The following DUSP14 variants were observed in gnomAD, a reference collection of about 807,000 sequenced individuals.
DUSP14 encodes the protein dual specificity protein phosphatase 14.
In DUSP14, 5 loss-of-function variants were observed where a neutral mutation model predicts 13.2. That is an observed-to-expected ratio of 0.38 (90% CI 0.20 to 0.80). The LOEUF is 0.80. Ranked by LOEUF, DUSP14 falls within the 30% of genes least tolerant of loss-of-function variation. DUSP14 has a pLI of 0.44. For missense variants in DUSP14, 185 were observed against 264.0 expected, an observed-to-expected ratio of 0.70 and a Z score of 2.07; for synonymous variants, 91 against 103.4, an observed-to-expected ratio of 0.88 and a Z score of 0.73.
Position 37,511,938 on chromosome 17 carries a change from C to CTTTTTTT in DUSP14, c.-92-231_-92-225dup, listed in dbSNP as rs58893696. ...GCCCAGCCACCCCCCCCCCACCCCA[C>CTTTTTTT]TTTTTTTTTTTTTTTTTTGGACAAT... On this transcript the variant is annotated intron_variant, in intron 2 of 2. Coordinates refer to ENST00000617516, the MANE Select transcript of DUSP14 (RefSeq NM_007026.4). 5.2e-4 allele frequency among the ~76,000 whole-genome samples: 20 copies of CTTTTTTT among 38,250 alleles called. 1 individual carries two copies. The East Asian group carries it at 6.6e-3, about 13-fold the overall frequency. 25.1% of individuals were successfully genotyped at this position (38,250 alleles called of 152,430 possible). A position where few individuals can be genotyped will look rare whatever the true frequency, so the allele number is the denominator to read the frequency against.
intron 1 of DUSP14, among the ~76,000 whole-genome samples, chr17:37,500,875 G>A (rs2054100243): frequency 6.6e-6 from 1 of 152,130 alleles, no homozygotes; most frequent in African/African-American, 2.4e-5. Flanking sequence ...TAGACGTAAA[G>A]CACAATCACA....
chr17:37,509,973 A>AT (rs2054172266), intron 1 of DUSP14: 1 of 152,204 alleles, frequency 6.6e-6, no homozygotes, highest in African/African-American at 2.4e-5. Flanking sequence ...AGAAGAACAC[A>AT]TTTTTTATGA....
At chr17:37,491,419 A>C (rs758463464) in intron 1 of DUSP14, 4 of 152,238 alleles carry the variant, frequency 2.6e-5, no homozygotes, top group Non-Finnish European at 5.9e-5. Context: ...GGAGCCCTGC[A>C]CAGGAGGCTT....
chr17:37,507,728 C>T (rs775849473), intron 1 of DUSP14, among the ~76,000 whole-genome samples: 18 of 152,098 alleles, frequency 1.2e-4, no homozygotes, highest in African/African-American at 2.9e-4. Flanking sequence ...CGTAAGCCAC[C>T]GTGTCTATGG....
intron 1 of DUSP14, among the ~76,000 whole-genome samples, chr17:37,503,988 G>GT (rs1222216765): frequency 6.6e-6 from 1 of 152,158 alleles, no homozygotes; most frequent in Non-Finnish European, 1.5e-5. Flanking sequence ...GAGGTCAGGA[G>GT]TTTGAGACCA....
At chr17:37,498,312 A>ATTTTTTTTTT (rs2054079234) in intron 1 of DUSP14, among the ~76,000 whole-genome samples, 1 of 103,246 alleles carries the variant, frequency 9.7e-6, no homozygotes, top group African/African-American at 3.7e-5. Context: ...ACTAGATTGT[A>ATTTTTTTTTT]TCTTTTTTTT....
intron 2 of DUSP14, among the ~76,000 whole-genome samples, chr17:37,511,938 C>CTTTTTTTTTTTTTTTTT (rs58893696): frequency 1.0e-4 from 4 of 38,252 alleles, no homozygotes; most frequent in African/African-American, 3.1e-4. Flanking sequence ...CCCCACCCCA[C>CTTTTTTTTTTTTTTTTT]TTTTTTTTTT....
intron 1 of DUSP14, among the ~76,000 whole-genome samples, chr17:37,490,528 AGTT>A (rs555983818): frequency 1.3e-3 from 201 of 151,978 alleles, no homozygotes; most frequent in African/African-American, 4.6e-3. Context: ...AGCGAAGTTG[AGTT>A]GTTGTTTGTA....
chr17:37,495,511 TG>T, intron 1 of DUSP14, among the ~76,000 whole-genome samples: 1 of 152,274 alleles, frequency 6.6e-6, no homozygotes, highest in South Asian at 2.1e-4. Context: ...TTTGAGTGTG[TG>T]GGTACATATG....
chr17:37,494,058 A>C (rs2054047351), intron 1 of DUSP14, among the ~76,000 whole-genome samples: 1 of 149,180 alleles, frequency 6.7e-6, no homozygotes, highest in Non-Finnish European at 1.5e-5. Context: ...CAGTGGCGCG[A>C]TCTCGGCTCA....
chr17:37,507,302 C>A (rs2054144338), intron 1 of DUSP14, among the ~76,000 whole-genome samples: 1 of 152,198 alleles, frequency 6.6e-6, no homozygotes, highest in South Asian at 2.1e-4. Context: ...AGCAATGTGT[C>A]TGTCTCACTT....
chr17:37,503,286 A>G (rs1451911026), intron 1 of DUSP14, among the ~76,000 whole-genome samples: 1 of 152,154 alleles, frequency 6.6e-6, no homozygotes, highest in African/African-American at 2.4e-5. Flanking sequence ...TTAGCTAGCC[A>G]TGGTGGCGCA....
At chr17:37,511,939 T>TTTTA (rs2054191725) in intron 2 of DUSP14, among the ~76,000 whole-genome samples, 1 of 31,300 alleles carries the variant, frequency 3.2e-5, no homozygotes, top group Non-Finnish European at 5.6e-5. Context: ...CCCACCCCAC[T>TTTTA]TTTTTTTTTT....
Position 37,512,293 on chromosome 17 carries a change from CA to C in DUSP14, c.22del (p.Thr8ArgfsTer11). 6.2e-7 allele frequency: 1 copy of C among 1,610,856 alleles called. No individual in the cohort carries two copies. The highest frequency in any genetic ancestry group is 1.7e-5 in the Admixed American group (1 of 59,896). MSSRGHS[T>X]LPRTLMAPRM... ...TCTTCATGAGCTCCAGAGGTCACAG[CA>C]CGCTACCAAGGACTCTCATGGCCCC... is the stretch of plus-strand genomic sequence containing the variant. On this transcript the variant is annotated frameshift_variant, in exon 3 of 3. Coordinates refer to ENST00000617516, the MANE Select transcript of DUSP14 (RefSeq NM_007026.4). LOFTEE classifies it high-confidence loss of function. This position sits in a 1 kb window ranked among gnomAD's most constrained non-coding sequence, Gnocchi z 4.8.
intron 1 of DUSP14, among the ~76,000 whole-genome samples, chr17:37,501,604 C>T (rs951928716): frequency 1.3e-5 from 2 of 152,110 alleles, no homozygotes; most frequent in African/African-American, 4.8e-5. Context: ...CAACCTCCAC[C>T]TCCTGGGTTC....
At chr17:37,497,283 C>T (rs970909054) in intron 1 of DUSP14, among the ~76,000 whole-genome samples, 7 of 152,076 alleles carry the variant, frequency 4.6e-5, no homozygotes, top group Non-Finnish European at 7.4e-5. Flanking sequence ...GCTGGGATTA[C>T]GGGCACATGC....
intron 2 of DUSP14, among the ~76,000 whole-genome samples, chr17:37,511,047 C>T (rs1329627449): frequency 6.6e-6 from 1 of 151,642 alleles, no homozygotes; most frequent in African/African-American, 2.4e-5. Flanking sequence ...TAATAGCAAA[C>T]ACTGGAATAA....
chr17:37,506,298 CAAAA>C (rs1288670111), intron 1 of DUSP14, among the ~76,000 whole-genome samples: 3 of 131,024 alleles, frequency 2.3e-5, no homozygotes, highest in Non-Finnish European at 4.8e-5. Flanking sequence ...AAAAAGAAAA[CAAAA>C]AAACCCAAAA....
At chr17:37,505,998 C>G (rs1421516981) in intron 1 of DUSP14, among the ~76,000 whole-genome samples, 2 of 152,168 alleles carry the variant, frequency 1.3e-5, no homozygotes, top group Non-Finnish European at 2.9e-5. Context: ...CTCAGTGGTT[C>G]AAGCCTGTAA....
Sources: allele counts gnomAD v4.1 joint callset (sites outside exome capture counted in the v4.1 genomes callset), GRCh38; gene constraint gnomAD v4.1.1; non-coding constraint Gnocchi (gnomAD v3.1); transcripts MANE v1.5; gene names NCBI Gene and HGNC (gene_info 2026-07-23, HGNC 2026-07-21).